ATRNL1: variants seen among roughly 807,000 people sequenced by gnomAD.
The protein encoded by ATRNL1 is attractin-like protein 1.
ATRNL1 carries 95 observed loss-of-function variants against 182.7 expected under a neutral mutation model. The observed-to-expected ratio is 0.52, with a 90% CI of 0.44 to 0.62. The LOEUF (loss-of-function observed/expected upper bound fraction) is 0.62, where lower values mean the gene tolerates loss of function less well. Ranked by LOEUF, ATRNL1 falls within the 20% of genes least tolerant of loss-of-function variation. The pLI is 0.00. For missense variants in ATRNL1, 1,471 were observed against 1,679.5 expected (o/e 0.88, Z 2.17); for synonymous variants, 576 against 568.3 (o/e 1.01, Z -0.19).
At chr10:115,584,162 A>C (rs1355765173) in intron 26 of ATRNL1, among the ~76,000 whole-genome samples, 3 of 149,428 alleles carry the variant, frequency 2.0e-5, no homozygotes, top group African/African-American at 7.3e-5. Flanking sequence ...CCAGTATTTT[A>C]TTGAGGATTT....
At chr10:115,391,185 C>A (rs1017889894) in intron 19 of ATRNL1, among the ~76,000 whole-genome samples, 5 of 152,110 alleles carry the variant, frequency 3.3e-5, no homozygotes, top group Non-Finnish European at 5.9e-5. Flanking sequence ...GTGGCTAGAA[C>A]TTTTAGTACT....
chr10:115,340,560 T>C (rs928822931), intron 19 of ATRNL1, among the ~76,000 whole-genome samples: 11 of 150,952 alleles, frequency 7.3e-5, no homozygotes, highest in Admixed American at 6.0e-4. Context: ...TTTGGAAGTA[T>C]TTCCTTCTCC....
intron 27 of ATRNL1, among the ~76,000 whole-genome samples, chr10:115,743,095 A>G (rs181812523): frequency 2.0e-5 from 3 of 152,186 alleles, no homozygotes; most frequent in Admixed American, 6.6e-5. Flanking sequence ...TGAGAACAGC[A>G]TAGAGGTAAC....
At chr10:115,465,916 T>C (rs1180678838) in intron 22 of ATRNL1, among the ~76,000 whole-genome samples, 2 of 151,626 alleles carry the variant, frequency 1.3e-5, no homozygotes, top group Non-Finnish European at 3.0e-5. Flanking sequence ...TTGATGGATA[T>C]GGAACACTGT....
chr10:115,371,313 C>G (rs1436482913), intron 19 of ATRNL1, among the ~76,000 whole-genome samples: 1 of 150,650 alleles, frequency 6.6e-6, no homozygotes, highest in Non-Finnish European at 1.5e-5. Context: ...CTCCAGACCC[C>G]AGAATGGTAG....
intron 26 of ATRNL1, among the ~76,000 whole-genome samples, chr10:115,599,581 A>G (rs1384386707): frequency 1.3e-5 from 2 of 152,182 alleles, no homozygotes; most frequent in African/African-American, 2.4e-5. Flanking sequence ...AGTGACTACT[A>G]GTAGTTTGCT....
Position 115,203,882 on chromosome 10 carries a change from C to T in ATRNL1, c.1349-11815C>T, listed in dbSNP as rs544437070. 7.3e-5 allele frequency among the ~76,000 whole-genome samples: 11 copies of T among 151,352 alleles called. No individual in the cohort carries two copies. The East Asian group carries it at 2.1e-3, about 30-fold the overall frequency. On this transcript the variant is annotated intron_variant, in intron 8 of 28. Coordinates refer to ENST00000355044, the MANE Select transcript of ATRNL1 (RefSeq NM_207303.4). ...AAAATGCTGGGATTACAGGAATGAG[C>T]CACCGCACCTGGCCTAGATTGGGTC... is the stretch of plus-strand genomic sequence containing the variant.
chr10:115,862,369 A>C (rs1951335980), intron 28 of ATRNL1, among the ~76,000 whole-genome samples: 2 of 152,134 alleles, frequency 1.3e-5, no homozygotes, highest in South Asian at 4.1e-4. Context: ...CTTCAGAATC[A>C]TCATGTTTTG....
chr10:115,806,917 T>G (rs1412108801), intron 27 of ATRNL1, among the ~76,000 whole-genome samples: 3 of 152,114 alleles, frequency 2.0e-5, no homozygotes, highest in African/African-American at 7.2e-5. Flanking sequence ...CATCTGTTTT[T>G]TCATCAGTAT....
chr10:115,564,923 C>A (rs1460100714), intron 26 of ATRNL1, among the ~76,000 whole-genome samples: 1 of 151,842 alleles, frequency 6.6e-6, no homozygotes, highest in Non-Finnish European at 1.5e-5. Context: ...TATTTTGCAA[C>A]ATAAAAAATA....
At position 115,300,257 on chromosome 10, in the gene ATRNL1, C is replaced by G; in HGVS notation, c.2629+10C>G. 1.2e-6 allele frequency: 2 copies of G among 1,602,112 alleles called. No homozygotes were observed. The highest frequency in any genetic ancestry group is 1.7e-6 in the Non-Finnish European group (2 of 1,169,758). On this transcript the variant is annotated intron_variant, in intron 16 of 28. Coordinates refer to ENST00000355044, the MANE Select transcript of ATRNL1 (RefSeq NM_207303.4). ...TGTGAAAAACCTGTTGGTAAGTAGT[C>G]CAGTAAATTAGCATTCCTTTAAAAG...
chr10:115,600,108 T>G (rs1555015432), intron 26 of ATRNL1, among the ~76,000 whole-genome samples: 1 of 152,154 alleles, frequency 6.6e-6, no homozygotes. Context: ...TTTCCTGTCT[T>G]CCTTCTTTGA....
intron 21 of ATRNL1, among the ~76,000 whole-genome samples, chr10:115,455,481 T>G (rs1847477859): frequency 6.6e-6 from 1 of 152,054 alleles, no homozygotes; most frequent in South Asian, 2.1e-4. Flanking sequence ...ATGCAAAAAT[T>G]AACTCAAGAA....
At chr10:115,769,044 A>G (rs141969732) in intron 27 of ATRNL1, among the ~76,000 whole-genome samples, 1 of 152,278 alleles carries the variant, frequency 6.6e-6, no homozygotes, top group Non-Finnish European at 1.5e-5. Context: ...ATTAAGTTAG[A>G]TGAAAACAAT....
chr10:115,758,694 G>T (rs1483955521), intron 27 of ATRNL1, among the ~76,000 whole-genome samples: 1 of 152,224 alleles, frequency 6.6e-6, no homozygotes, highest in Non-Finnish European at 1.5e-5. Flanking sequence ...GAGCCGTCAG[G>T]CAGGGACATT....
intron 21 of ATRNL1, among the ~76,000 whole-genome samples, chr10:115,431,288 C>T (rs1846149090): frequency 6.6e-6 from 1 of 151,710 alleles, no homozygotes; most frequent in Admixed American, 6.6e-5. Flanking sequence ...GCCTGTAATC[C>T]CAGCTATGTG....
intron 27 of ATRNL1, among the ~76,000 whole-genome samples, chr10:115,817,002 G>A (rs1388656969): frequency 6.6e-6 from 1 of 152,024 alleles, no homozygotes; most frequent in Non-Finnish European, 1.5e-5. Flanking sequence ...TGGATAATTT[G>A]CAAGAAAATT....
chr10:115,159,439 A>G (rs1846674224), intron 5 of ATRNL1, among the ~76,000 whole-genome samples: 1 of 151,594 alleles, frequency 6.6e-6, no homozygotes. Flanking sequence ...CACTAATTTA[A>G]TAATTTTTAT....
chr10:115,112,177 A>G (rs1554868291), intron 1 of ATRNL1, among the ~76,000 whole-genome samples: 1 of 152,226 alleles, frequency 6.6e-6, no homozygotes, highest in African/African-American at 2.4e-5. Context: ...ATGGAAAGAT[A>G]CTTTGTGTAT....
Sources: allele counts gnomAD v4.1 joint callset (sites outside exome capture counted in the v4.1 genomes callset), GRCh38; gene constraint gnomAD v4.1.1; transcripts MANE v1.5; gene names NCBI Gene and HGNC (gene_info 2026-07-23, HGNC 2026-07-21).